The following SLC28A2 variants were observed in gnomAD, a reference collection of about 807,000 sequenced individuals.
SLC28A2 encodes the protein solute carrier family 28 member 2.
A neutral mutation model predicts 72.9 loss-of-function variants in SLC28A2; 69 were observed. The ratio of observed to expected loss-of-function variants is 0.95; its 90% CI spans 0.78 to 1.16. The LOEUF is 1.16. Ranked by LOEUF, SLC28A2 falls within the 50% of genes most tolerant of loss-of-function variation. SLC28A2 has a pLI of 0.00. For missense variants in SLC28A2, 745 were observed against 791.1 expected (o/e 0.94, Z 0.70); for synonymous variants, 296 against 294.1 (o/e 1.01, Z -0.07).
intron 11 of SLC28A2, 28 bp from the exon 12 acceptor site, chr15:45,267,638 A>G (rs771277686): frequency 1.2e-6 from 2 of 1,613,976 alleles, no homozygotes. Context: ...TGATAGAAAC[A>G]CTGATGCCTA....
intron 15 of SLC28A2, among the ~76,000 whole-genome samples, chr15:45,271,222 A>G (rs1371167380): frequency 1.3e-5 from 2 of 152,194 alleles, no homozygotes; most frequent in South Asian, 2.1e-4. Flanking sequence ...CCTTGAGTGC[A>G]GGGGCACAGG....
chr15:45,269,989 C>T (rs142339829), intron 14 of SLC28A2, among the ~76,000 whole-genome samples: 1 of 152,264 alleles, frequency 6.6e-6, no homozygotes, highest in East Asian at 1.9e-4. Context: ...ACAGGAACAG[C>T]GTTGGGCAAT....
intron 17 of SLC28A2, among the ~76,000 whole-genome samples, chr15:45,274,169 C>T (rs1900676597): frequency 6.6e-6 from 1 of 152,058 alleles, no homozygotes; most frequent in Admixed American, 6.5e-5. Flanking sequence ...CACCTCAGGT[C>T]GGGCTTCAAG....
At chr15:45,274,747 CT>C (rs775797373) in intron 17 of SLC28A2, among the ~76,000 whole-genome samples, 366 of 119,760 alleles carry the variant, frequency 3.1e-3, no homozygotes, top group Middle Eastern at 7.6e-3. Context: ...TTTGATTCTT[CT>C]TTTTTTTTTT....
In SLC28A2 at chr15:45,277,735, T is replaced by G. The variant is rs912860313; in HGVS notation, c.*2222T>G. On this transcript the variant is annotated 3_prime_UTR_variant, in exon 18 of 18. Coordinates refer to ENST00000347644, the MANE Select transcript of SLC28A2 (RefSeq NM_004212.4). ...GTGATGGGAATGTTTTGGAACGAGATAGAGGTGGTGGTTGTGCAACATTGT... is the reference window on the plus strand; with the variant it reads ...GTGATGGGAATGTTTTGGAACGAGAGAGAGGTGGTGGTTGTGCAACATTGT... The G allele has an allele frequency of 1.4e-5, 2 of 147,578 alleles. No homozygotes were observed. The highest frequency in any genetic ancestry group is 3.0e-5 in the Non-Finnish European group (2 of 66,706). 9.1% of individuals were successfully genotyped at this position (147,578 alleles called of 1,614,324 possible). A position where few individuals can be genotyped will look rare whatever the true frequency, so the allele number is the denominator to read the frequency against.
intron 10 of SLC28A2, 21 bp from the exon 11 acceptor site, chr15:45,267,434 C>G (rs1286758850): frequency 6.2e-7 from 1 of 1,613,794 alleles, no homozygotes. Context: ...TGGAATCTGA[C>G]TGTTTTCTCC....
chr15:45,271,955 G>A (rs543318985), intron 15 of SLC28A2: 8 of 229,486 alleles, frequency 3.5e-5, no homozygotes, highest in African/African-American at 9.2e-5. Context: ...GCTTAAGAGT[G>A]CGTATCTCAA....
At chr15:45,262,251 G>T (rs1170485458) in intron 4 of SLC28A2, 145 bp downstream of exon 4, 1 of 609,050 alleles carries the variant, frequency 1.6e-6, no homozygotes, top group African/African-American at 1.8e-5. Context: ...CTACTTGTAG[G>T]TGCACCATAA....
At chr15:45,274,488 G>A (rs1210512699) in intron 17 of SLC28A2, among the ~76,000 whole-genome samples, 2 of 151,338 alleles carry the variant, frequency 1.3e-5, no homozygotes, top group Admixed American at 6.6e-5. Context: ...GTCCAGTCTG[G>A]GTGACAGGGT....
chr15:45,265,732 G>A (rs1900312106), intron 9 of SLC28A2, 69 bp downstream of exon 9: 2 of 1,051,614 alleles, frequency 1.9e-6, no homozygotes, highest in East Asian at 4.7e-5. Flanking sequence ...TTGGAAAAAT[G>A]CCCATAGCTA....
intron 3 of SLC28A2, among the ~76,000 whole-genome samples, chr15:45,254,155 T>C (rs185141302): frequency 6.6e-6 from 1 of 152,258 alleles, no homozygotes; most frequent in African/African-American, 2.4e-5. Flanking sequence ...AAATAGATCA[T>C]ATGGAAAGAA....
chr15:45,253,446 G>A lies in SLC28A2; in HGVS notation c.96G>A (p.Glu32=), dbSNP rs1899869568. ...TGTGCTTGTAGGAAAAAGAAGTAGA[G>A]CCTGAGGGAAGCAAGAGGACTGACG... ...PGLELMEKEV[E]PEGSKRTDAQ... The change falls in exon 3 of 18, where the codon GAG becomes GAA. Residue 32 remains glutamate, a synonymous_variant. Coordinates refer to ENST00000347644, the MANE Select transcript of SLC28A2 (RefSeq NM_004212.4). The A allele has an allele frequency of 5.6e-6, 9 of 1,613,640 alleles. No individual in the cohort carries two copies. The highest frequency in any genetic ancestry group is 1.3e-5 in the African/African-American group (1 of 74,892).
intron 10 of SLC28A2, 37 bp from the exon 11 acceptor site, chr15:45,267,418 C>T (rs368308265): frequency 6.2e-7 from 1 of 1,612,894 alleles, no homozygotes; most frequent in Non-Finnish European, 8.5e-7. Flanking sequence ...GGGAGTTACA[C>T]CTTCTTGGAA....
At chr15:45,270,149 C>T (rs376738461) in intron 14 of SLC28A2, 46 bp from the exon 15 acceptor site, 81 of 1,292,082 alleles carry the variant, frequency 6.3e-5, no homozygotes, top group Non-Finnish European at 7.8e-5. Context: ...TAAGACCGCA[C>T]GCATGGGACT....
rs1306511092 is a variant in SLC28A2 at position 45,276,302 on chromosome 15, G to A, written c.*789G>A. 1 of 152,088 alleles carries A rather than the reference G, an allele frequency of 6.6e-6. No individual in the cohort carries two copies. The highest frequency in any genetic ancestry group is 1.5e-5 in the Non-Finnish European group (1 of 68,044). The allele number at this position is 152,088 out of a possible 1,614,324, so 9.4% of individuals were successfully genotyped here. ...CAATGAGAACACATGGACACAGGAA[G>A]GGGAACATCACACTCTGGGGACTGT... On this transcript the variant is annotated 3_prime_UTR_variant, in exon 18 of 18. Coordinates refer to ENST00000347644, the MANE Select transcript of SLC28A2 (RefSeq NM_004212.4).
intron 3 of SLC28A2, among the ~76,000 whole-genome samples, chr15:45,258,115 C>T (rs193044179): frequency 2.1e-3 from 325 of 152,066 alleles, no homozygotes; most frequent in African/African-American, 7.6e-3. Context: ...CCTAGCTACT[C>T]GGGAGGCTGA....
At position 45,262,062 on chromosome 15, in the gene SLC28A2, A is replaced by G; in HGVS notation, c.218A>G (p.His73Arg). 2 of 1,613,790 alleles carry G rather than the reference A, an allele frequency of 1.2e-6. No homozygotes were observed. Among genetic ancestry groups the G allele is most frequent in the African/African-American group, 2.7e-5 (2 of 75,040 alleles). The change falls in exon 4 of 18, where the codon CAC (histidine) becomes CGC (arginine). Residue 73 changes from histidine (H) to arginine (R), a missense_variant. By Grantham distance (29) the His-to-Arg change is conservative. Coordinates refer to ENST00000347644, the MANE Select transcript of SLC28A2 (RefSeq NM_004212.4). Reference sequence around the variant, plus strand: ...AAAGCAAGAAGTTTCTGCAAAACACACGCCAGCTTGTTCAAGAAGATCCTG... The same window carrying G: ...AAAGCAAGAAGTTTCTGCAAAACACGCGCCAGCTTGTTCAAGAAGATCCTG... ...FSKARSFCKT[H>R]ASLFKKILLG...
At position 45,275,503 on chromosome 15, in the gene SLC28A2, T is replaced by C. The variant is rs1157340487; in HGVS notation, c.1967T>C (p.Val656Ala). 6.3e-7 allele frequency: 1 copy of C among 1,588,186 alleles called. No individual in the cohort carries two copies. The highest frequency in any genetic ancestry group is 8.6e-7 in the Non-Finnish European group (1 of 1,156,580). Residue 656 changes from valine (V) to alanine (A), a missense_variant, in exon 18 of 18, where the codon GTC becomes GCC. By Grantham distance (64) the Val-to-Ala change is moderately conservative. Transcript: ENST00000347644. ...TGCTGTGGATTCTACAACAATACCG[T>C]CTGTGCCTAAGGCTGCTTGATCTAT... is the stretch of plus-strand genomic sequence containing the variant. ...TNCCGFYNNTVCA is the reference protein window; with the variant it reads ...TNCCGFYNNTACA
chr15:45,252,687 C>A (rs183867234), intron 1 of SLC28A2, among the ~76,000 whole-genome samples: 3 of 152,324 alleles, frequency 2.0e-5, no homozygotes, highest in Non-Finnish European at 2.9e-5. Flanking sequence ...GCATAAAAAA[C>A]CAATTCTTAT....
Sources: gnomAD v4.1 joint callset for allele counts (sites outside exome capture counted in the v4.1 genomes callset) on GRCh38, gnomAD v4.1.1 for gene constraint, MANE v1.5 for transcripts, NCBI Gene and HGNC (gene_info 2026-07-23, HGNC 2026-07-21) for gene names.